Variants in PDE10A observed in about 807,000 individuals in gnomAD.
The protein encoded by PDE10A is cAMP and cAMP-inhibited cGMP 3',5'-cyclic phosphodiesterase 10A.
Under a neutral mutation model 97.7 loss-of-function variants are expected in PDE10A, and 39 were observed. That is an observed-to-expected ratio of 0.40 (90% CI 0.31 to 0.52). PDE10A has a LOEUF of 0.52. Ranked by LOEUF, PDE10A falls within the 20% of genes least tolerant of loss-of-function variation. PDE10A has a pLI of 0.56. For missense variants in PDE10A, 731 were observed against 1,047.8 expected (o/e 0.70, Z 4.17); for synonymous variants, 371 against 376.8 (o/e 0.98, Z 0.18).
At chr6:165,354,831 G>A (rs1366935015) in intron 18 of PDE10A, among the ~76,000 whole-genome samples, 1 of 152,158 alleles carries the variant, frequency 6.6e-6, no homozygotes, top group Non-Finnish European at 1.5e-5. Context: ...TACGCTGGTG[G>A]TAAAAGCCTT....
rs1792768700 is a variant in PDE10A at position 165,743,193 on chromosome 6, G to T, written c.-614-199625C>A. On this transcript the variant is annotated intron_variant, in intron 1 of 19. Transcript: ENST00000366882. ...GGAGGAAGTCCCTCGTATTCCAGTGGAATTATTACATAAATGTTCCCAGAT... is the reference window on the plus strand; with the variant it reads ...GGAGGAAGTCCCTCGTATTCCAGTGTAATTATTACATAAATGTTCCCAGAT... 4.6e-5 allele frequency among the ~76,000 whole-genome samples: 7 copies of T among 152,224 alleles called. No individual in the cohort carries two copies. In the South Asian group the frequency reaches 1.5e-3, roughly 32 times the overall value.
intron 16 of PDE10A, among the ~76,000 whole-genome samples, chr6:165,389,819 A>G (rs748188498): frequency 6.6e-6 from 1 of 152,220 alleles, no homozygotes; most frequent in Non-Finnish European, 1.5e-5. Context: ...TAAGCTCTCA[A>G]GTACTCCCAA....
intron 1 of PDE10A, among the ~76,000 whole-genome samples, chr6:165,681,556 A>G (rs1790978389): frequency 6.6e-6 from 1 of 151,856 alleles, no homozygotes; most frequent in Non-Finnish European, 1.5e-5. Context: ...ATTTCTAACA[A>G]CCTCCCAGGG....
intron 21 of PDE10A, among the ~76,000 whole-genome samples, chr6:165,335,264 G>A (rs906275274): frequency 2.0e-5 from 3 of 152,068 alleles, no homozygotes; most frequent in African/African-American, 7.2e-5. Context: ...GACTTAAAGA[G>A]GAAGCGGTTA....
At chr6:165,779,745 C>T (rs913790002) in intron 1 of PDE10A, among the ~76,000 whole-genome samples, 3 of 152,202 alleles carry the variant, frequency 2.0e-5, no homozygotes, top group Admixed American at 1.3e-4. Flanking sequence ...TCGTGTTCGA[C>T]TGCTGTGATG....
chr6:165,832,887 T>A (rs73031982), intron 1 of PDE10A, among the ~76,000 whole-genome samples: 33,784 of 152,112 alleles, frequency 0.22, 4,019 homozygotes, highest in Middle Eastern at 0.28. Flanking sequence ...AGAATTTAAA[T>A]TCACAATACT....
chr6:165,459,681 C>T (rs976131634), intron 3 of PDE10A, among the ~76,000 whole-genome samples: 2 of 152,082 alleles, frequency 1.3e-5, no homozygotes, highest in Non-Finnish European at 2.9e-5. Context: ...CATTGCCAGG[C>T]TGCTCTGTGA....
intron 1 of PDE10A, among the ~76,000 whole-genome samples, chr6:165,620,590 C>T (rs1384529934): frequency 6.6e-6 from 1 of 150,870 alleles, no homozygotes; most frequent in Non-Finnish European, 1.5e-5. Context: ...TGGATGGGTG[C>T]ACTGTGGGGT....
intron 1 of PDE10A, among the ~76,000 whole-genome samples, chr6:165,919,671 A>G (rs2128488076): frequency 6.6e-6 from 1 of 152,354 alleles, no homozygotes; most frequent in Middle Eastern, 3.4e-3. Flanking sequence ...TGCAGAAATA[A>G]GCTGCAGCCT....
intron 18 of PDE10A, among the ~76,000 whole-genome samples, chr6:165,376,827 G>C (rs1356180239): frequency 6.6e-6 from 1 of 152,156 alleles, no homozygotes; most frequent in Non-Finnish European, 1.5e-5. Flanking sequence ...GTTGAGGTAG[G>C]AGGATCCCTG....
chr6:165,874,781 T>A (rs935701599), intron 1 of PDE10A, among the ~76,000 whole-genome samples: 6 of 152,214 alleles, frequency 3.9e-5, no homozygotes, highest in Non-Finnish European at 8.8e-5. Flanking sequence ...ATATCCAGTA[T>A]GGCGTAGTGG....
chr6:165,814,813 C>T (rs6899369), intron 1 of PDE10A, among the ~76,000 whole-genome samples: 8,334 of 151,976 alleles, frequency 0.055, 234 homozygotes, highest in Non-Finnish European at 0.066. Flanking sequence ...CCTGGGTTCT[C>T]GAGACGTCAC....
At chr6:165,784,726 G>C (rs953037386) in intron 1 of PDE10A, among the ~76,000 whole-genome samples, 2 of 152,190 alleles carry the variant, frequency 1.3e-5, no homozygotes, top group Non-Finnish European at 2.9e-5. Flanking sequence ...GAGACACTGA[G>C]ACAAGCTAGA....
chr6:165,768,633 A>G (rs1477235136), intron 1 of PDE10A, among the ~76,000 whole-genome samples: 1 of 152,136 alleles, frequency 6.6e-6, no homozygotes, highest in Non-Finnish European at 1.5e-5. Flanking sequence ...TGTATCATAT[A>G]TTTTTTAAAA....
intron 3 of PDE10A, among the ~76,000 whole-genome samples, chr6:165,481,846 C>T (rs1174676462): frequency 1.3e-5 from 2 of 152,284 alleles, no homozygotes; most frequent in African/African-American, 4.8e-5. Context: ...AAAGAAAGTG[C>T]ATGAACTCAA....
At chr6:165,525,193 T>G (rs1782361297) in intron 2 of PDE10A, among the ~76,000 whole-genome samples, 1 of 152,118 alleles carries the variant, frequency 6.6e-6, no homozygotes, top group Non-Finnish European at 1.5e-5. Flanking sequence ...TTGAACTGTT[T>G]GAGTTATCTA....
At chr6:165,461,982 A>G (rs1442814637) in intron 3 of PDE10A, among the ~76,000 whole-genome samples, 4 of 152,236 alleles carry the variant, frequency 2.6e-5, no homozygotes, top group African/African-American at 9.6e-5. Flanking sequence ...GCTTATGTAC[A>G]TGTATGTGTG....
intron 1 of PDE10A, among the ~76,000 whole-genome samples, chr6:165,903,163 C>T (rs771683855): frequency 2.0e-5 from 3 of 152,094 alleles, no homozygotes; most frequent in Admixed American, 6.5e-5. Context: ...AGGTGGGGTT[C>T]GGTTTTTACA....
intron 17 of PDE10A, among the ~76,000 whole-genome samples, chr6:165,384,118 C>T (rs1034297005): frequency 6.6e-6 from 1 of 152,088 alleles, no homozygotes; most frequent in African/African-American, 2.4e-5. Flanking sequence ...AGGAGAAAAA[C>T]ATATTCAGAC....
Sources: allele counts gnomAD v4.1 joint callset (sites outside exome capture counted in the v4.1 genomes callset), GRCh38; gene constraint gnomAD v4.1.1; transcripts MANE v1.5; gene names NCBI Gene and HGNC (gene_info 2026-07-23, HGNC 2026-07-21).